The following GALK2 variants were observed in gnomAD, a reference collection of about 807,000 sequenced individuals.
GALK2 encodes the protein galactokinase 2.
A neutral mutation model predicts 52.4 loss-of-function variants in GALK2; 36 were observed. The observed-to-expected ratio is 0.69, with a 90% CI of 0.53 to 0.91. The LOEUF (loss-of-function observed/expected upper bound fraction) is 0.91, where lower values mean the gene tolerates loss of function less well. Among genes scored for constraint, GALK2 ranks in the 40% least tolerant of loss-of-function variants. GALK2 has a pLI of 0.00. For synonymous variants in GALK2, 176 were observed against 199.1 expected, an observed-to-expected ratio of 0.88 and a Z score of 0.98; for missense variants, 579 against 559.1, an observed-to-expected ratio of 1.04 and a Z score of -0.36.
chr15:49,233,218 A>G (rs1281187263), intron 3 of GALK2, among the ~76,000 whole-genome samples: 1 of 152,200 alleles, frequency 6.6e-6, no homozygotes, highest in Admixed American at 6.5e-5. Context: ...GCAAAGGGGA[A>G]GCAGGCATGT....
At chr15:49,161,488 A>C (rs2084649470) in intron 1 of GALK2, among the ~76,000 whole-genome samples, 1 of 152,170 alleles carries the variant, frequency 6.6e-6, no homozygotes, top group Non-Finnish European at 1.5e-5. Context: ...TACCGTTAAG[A>C]TACTCTCTTT....
chr15:49,310,034 T>G (rs2035863950), intron 8 of GALK2, among the ~76,000 whole-genome samples: 1 of 152,202 alleles, frequency 6.6e-6, no homozygotes, highest in Non-Finnish European at 1.5e-5. Flanking sequence ...CCTACTTGCC[T>G]TCCCCCACTA....
chr15:49,325,944 C>G (rs1271908863), intron 9 of GALK2, among the ~76,000 whole-genome samples: 1 of 152,146 alleles, frequency 6.6e-6, no homozygotes, highest in Non-Finnish European at 1.5e-5. Flanking sequence ...AAAAATAATA[C>G]TCTGTTTGCT....
chr15:49,366,894 T>C (rs927474501), intron 3 of GALK2, among the ~76,000 whole-genome samples: 1 of 152,198 alleles, frequency 6.6e-6, no homozygotes, highest in Non-Finnish European at 1.5e-5. Flanking sequence ...TAATGAGGAC[T>C]GGGCCAAGAA....
chr15:49,241,456 A>C (rs2141514130), intron 5 of GALK2, among the ~76,000 whole-genome samples: 1 of 152,358 alleles, frequency 6.6e-6, no homozygotes, highest in African/African-American at 2.4e-5. Context: ...GCAACAGCAA[A>C]GACAAGGAAG....
At chr15:49,351,529 A>C (rs2042240986) in intron 3 of GALK2, among the ~76,000 whole-genome samples, 2 of 152,234 alleles carry the variant, frequency 1.3e-5, no homozygotes, top group Admixed American at 1.3e-4. Flanking sequence ...AAAAGTAGTG[A>C]GCAATCAATG....
intron 1 of GALK2, among the ~76,000 whole-genome samples, chr15:49,179,651 T>C (rs1306347660): frequency 8.3e-6 from 1 of 120,116 alleles, no homozygotes; most frequent in Non-Finnish European, 1.8e-5. Context: ...TTTGTTTCTT[T>C]CTTTTTTTTT....
chr15:49,304,065 CCT>C (rs2035343149), intron 8 of GALK2, among the ~76,000 whole-genome samples: 1 of 152,104 alleles, frequency 6.6e-6, no homozygotes, highest in South Asian at 2.1e-4. Context: ...CTCATTGTCT[CCT>C]CTGTCACTCC....
intron 3 of GALK2, among the ~76,000 whole-genome samples, chr15:49,224,066 C>T (rs2141417313): frequency 1.3e-5 from 2 of 152,014 alleles, no homozygotes; most frequent in Middle Eastern, 6.8e-3. Context: ...TTCTTGTTGA[C>T]ATTTACATAA....
At position 49,221,688 on chromosome 15, in the gene GALK2, A is replaced by G. The variant is rs149876082; in HGVS notation, c.266+4375A>G. 8.7e-3 allele frequency among the ~76,000 whole-genome samples: 1,318 copies of G among 151,044 alleles called. 25 individuals are homozygous for G. Among genetic ancestry groups the G allele is most frequent in the African/African-American group, 0.031 (1,266 of 41,176 alleles). On this transcript the variant is annotated intron_variant, in intron 3 of 9. Coordinates refer to ENST00000560031, the MANE Select transcript of GALK2 (RefSeq NM_002044.4). The stretch of plus-strand genomic sequence containing the variant: ...TGTCTTGAAAAAAATAAAAAAATTA[A>G]AAAAAAAAGAAAATGAGTTTGCTGT...
chr15:49,366,921 A>C (rs529229671), intron 3 of GALK2, among the ~76,000 whole-genome samples: 1 of 152,348 alleles, frequency 6.6e-6, no homozygotes, highest in East Asian at 1.9e-4. Context: ...TACTGAAGAT[A>C]GGACTGTAAA....
intron 5 of GALK2, among the ~76,000 whole-genome samples, chr15:49,249,026 A>G (rs951381758): frequency 2.0e-5 from 3 of 148,754 alleles, no homozygotes; most frequent in African/African-American, 7.3e-5. Context: ...CCAGATTTTG[A>G]CTTGCACCCT....
intron 3 of GALK2, chr15:49,343,578 G>C (rs747942946): frequency 6.6e-6 from 1 of 152,190 alleles, no homozygotes; most frequent in Non-Finnish European, 1.5e-5. Flanking sequence ...ATCCCAGGAA[G>C]TTTCTTCCCA....
chr15:49,158,283 G>C (rs2141143969), intron 1 of GALK2, among the ~76,000 whole-genome samples: 1 of 152,332 alleles, frequency 6.6e-6, no homozygotes, highest in Admixed American at 6.5e-5. Flanking sequence ...ATGACGGAAT[G>C]AGGCATTTGT....
intron 6 of GALK2, among the ~76,000 whole-genome samples, chr15:49,282,314 T>G (rs1214849345): frequency 6.6e-6 from 1 of 152,226 alleles, no homozygotes; most frequent in Non-Finnish European, 1.5e-5. Flanking sequence ...GATACTCAGG[T>G]CTGTTTTTCT....
intron 1 of GALK2, among the ~76,000 whole-genome samples, chr15:49,178,195 C>CTA (rs71120671): frequency 0.19 from 9,574 of 50,264 alleles, 863 homozygotes; most frequent in South Asian, 0.3. Flanking sequence ...AAAAGAAATA[C>CTA]TATATATATA....
intron 9 of GALK2, chr15:49,327,718 G>GACTT (rs2037770338): frequency 5.1e-6 from 2 of 388,778 alleles, no homozygotes; most frequent in East Asian, 8.2e-5. Flanking sequence ...GAGTACTGTT[G>GACTT]ACTTACCACT....
chr15:49,307,521 A>G (rs755904729), intron 8 of GALK2, among the ~76,000 whole-genome samples: 32 of 152,164 alleles, frequency 2.1e-4, no homozygotes, highest in Admixed American at 5.9e-4. Context: ...AATCCAAACT[A>G]CAAAGGTAGA....
chr15:49,319,590 TCTTC>T lies in GALK2; in HGVS notation c.968-7_968-4del. 1 of 1,613,408 alleles carries T rather than the reference TCTTC, an allele frequency of 6.2e-7. No homozygotes were observed. On this transcript the variant is annotated splice_polypyrimidine_tract_variant and intron_variant, in intron 8 of 9. Transcript: ENST00000560031. ...CTATTCCTAACCTCCTTCCCCATCC[TCTTC>T]CTTCCTCAGTGCTCATCTTCAAACT... is the stretch of plus-strand genomic sequence containing the variant.
Sources: allele counts gnomAD v4.1 joint callset (sites outside exome capture counted in the v4.1 genomes callset), GRCh38; gene constraint gnomAD v4.1.1; transcripts MANE v1.5; gene names NCBI Gene and HGNC (gene_info 2026-07-23, HGNC 2026-07-21).